Variants in ADORA1 observed in about 807,000 individuals in gnomAD.
ADORA1 encodes adenosine A1 receptor.
Under a neutral mutation model 19.9 loss-of-function variants are expected in ADORA1, and 6 were observed. The observed-to-expected ratio is 0.30, with a 90% CI of 0.17 to 0.59. ADORA1 has a LOEUF of 0.59. Ranked by LOEUF, ADORA1 falls within the 20% of genes least tolerant of loss-of-function variation. The probability of loss-of-function intolerance (pLI) is 0.87; values close to 1 mark genes in which losing one functional copy is unlikely to be tolerated. For synonymous variants in ADORA1, 194 were observed against 188.4 expected (o/e 1.03, Z -0.24); for missense variants, 302 against 439.2 (o/e 0.69, Z 2.79).
intron 3 of ADORA1, among the ~76,000 whole-genome samples, chr1:203,133,774 C>T (rs902537989): frequency 3.3e-5 from 5 of 152,240 alleles, no homozygotes; most frequent in South Asian, 2.1e-4. Context: ...GCTGCTGACC[C>T]GGGGAACCAC....
intron 3 of ADORA1, among the ~76,000 whole-genome samples, chr1:203,139,915 G>T (rs1002003741): frequency 6.6e-5 from 10 of 152,198 alleles, no homozygotes; most frequent in African/African-American, 2.2e-4. Flanking sequence ...AGGCCTTGTG[G>T]TTCATGGTCA....
intron 3 of ADORA1, among the ~76,000 whole-genome samples, chr1:203,137,749 A>G (rs1409162303): frequency 6.6e-6 from 1 of 152,188 alleles, no homozygotes; most frequent in Non-Finnish European, 1.5e-5. Flanking sequence ...GTATATACCT[A>G]TATACCACTA....
intron 3 of ADORA1, among the ~76,000 whole-genome samples, chr1:203,137,829 CA>C (rs533242377): frequency 6.4e-4 from 97 of 152,260 alleles, no homozygotes; most frequent in African/African-American, 2.0e-3. Context: ...CTCCAAAAGG[CA>C]ACCTCTATTT....
chr1:203,142,269 G>A (rs893901136), intron 3 of ADORA1, among the ~76,000 whole-genome samples: 2 of 152,140 alleles, frequency 1.3e-5, no homozygotes. Context: ...TGTGGGTTCC[G>A]GTCAGTGGCA....
intron 3 of ADORA1, among the ~76,000 whole-genome samples, chr1:203,147,198 ATCGTTGGTT>A (rs1027433524): frequency 6.6e-6 from 1 of 152,126 alleles, no homozygotes; most frequent in African/African-American, 2.4e-5. Context: ...ATTGGGTAGG[ATCGTTGGTT>A]TCGTTGGTTT....
rs377577290 is a variant in ADORA1 at position 203,128,588 on chromosome 1, C to G, written c.-58+156C>G. Among the ~76,000 whole-genome samples, 2 of 152,260 alleles carry G rather than the reference C, an allele frequency of 1.3e-5. No homozygotes were observed. The highest frequency in any genetic ancestry group is 2.1e-4 in the South Asian group (1 of 4,834). On this transcript the variant is annotated intron_variant, in intron 2 of 3. Coordinates refer to ENST00000337894, the MANE Select transcript of ADORA1 (RefSeq NM_000674.3). The surrounding 1 kb of genome is among the most constrained non-coding windows in gnomAD (Gnocchi z 5.9). ...GAGTGAGCGCTGCTATTTTAAGTTGCTGAATGGAACCTCTGGGAATGATAA... is the reference window on the plus strand; with the variant it reads ...GAGTGAGCGCTGCTATTTTAAGTTGGTGAATGGAACCTCTGGGAATGATAA...
chr1:203,150,405 G>A (rs886548783), intron 3 of ADORA1, among the ~76,000 whole-genome samples: 2 of 152,218 alleles, frequency 1.3e-5, no homozygotes, highest in African/African-American at 4.8e-5. Context: ...CCCGGATTGG[G>A]CCTGGCCTGT....
At chr1:203,137,698 G>A (rs1334467967) in intron 3 of ADORA1, among the ~76,000 whole-genome samples, 1 of 152,060 alleles carries the variant, frequency 6.6e-6, no homozygotes, top group Non-Finnish European at 1.5e-5. Context: ...CCAGTAAAGT[G>A]CATAAACCTC....
chr1:203,156,225 G>C (rs901861331), intron 3 of ADORA1, among the ~76,000 whole-genome samples: 2 of 152,116 alleles, frequency 1.3e-5, no homozygotes, highest in South Asian at 2.1e-4. Flanking sequence ...AGTTAGATAG[G>C]GGGGAAGAGA....
At chr1:203,141,312 G>A (rs1203233763) in intron 3 of ADORA1, among the ~76,000 whole-genome samples, 4 of 152,186 alleles carry the variant, frequency 2.6e-5, no homozygotes, top group East Asian at 3.9e-4. Flanking sequence ...TGGTGTGGGC[G>A]GTGAGAGCCA....
At chr1:203,150,832 T>C (rs968450613) in intron 3 of ADORA1, 11 of 1,283,958 alleles carry the variant, frequency 8.6e-6, no homozygotes, top group Middle Eastern at 2.3e-4. Context: ...GTCTGTTGAA[T>C]CTTTTCCAGG....
At chr1:203,162,657 A>G (rs980999458) in intron 3 of ADORA1, among the ~76,000 whole-genome samples, 1 of 152,180 alleles carries the variant, frequency 6.6e-6, no homozygotes, top group African/African-American at 2.4e-5. Context: ...AATCATCTGC[A>G]TCTCAACAAC....
chr1:203,161,725 C>T (rs12025716), intron 3 of ADORA1, among the ~76,000 whole-genome samples: 33,152 of 151,946 alleles, frequency 0.22, 4,953 homozygotes, highest in African/African-American at 0.42. Context: ...GCATGCACCA[C>T]CACGCCTGAC....
chr1:203,135,281 A>C (rs1654469391), intron 3 of ADORA1, among the ~76,000 whole-genome samples: 1 of 152,220 alleles, frequency 6.6e-6, no homozygotes, highest in Non-Finnish European at 1.5e-5. Context: ...ATCACTGGCT[A>C]CTTCAATTGT....
At chr1:203,142,711 C>T (rs1049249894) in intron 3 of ADORA1, among the ~76,000 whole-genome samples, 4 of 152,122 alleles carry the variant, frequency 2.6e-5, no homozygotes, top group Non-Finnish European at 5.9e-5. Flanking sequence ...AGAGTGTTGA[C>T]ATGACTCTGC....
intron 3 of ADORA1, among the ~76,000 whole-genome samples, chr1:203,130,212 G>C (rs1040859757): frequency 6.6e-6 from 1 of 152,240 alleles, no homozygotes; most frequent in Non-Finnish European, 1.5e-5. Flanking sequence ...TTGGCCCCTT[G>C]CCCGGGCAGG....
chr1:203,131,376 T>A (rs6683383), intron 3 of ADORA1, among the ~76,000 whole-genome samples: 39,166 of 152,182 alleles, frequency 0.26, 5,922 homozygotes, highest in South Asian at 0.39. Flanking sequence ...CAAGGCAGCA[T>A]CCACATCTTA....
At chr1:203,136,849 A>G (rs565538335) in intron 3 of ADORA1, among the ~76,000 whole-genome samples, 1 of 152,354 alleles carries the variant, frequency 6.6e-6, no homozygotes, top group East Asian at 1.9e-4. Context: ...AGACCTACTC[A>G]TTCATTAATT....
At position 203,166,487 on chromosome 1, in the gene ADORA1, G is replaced by C. The variant is rs546909804; in HGVS notation, c.*587G>C. ...CCACCTCTGAGGACTCTGGACCCCA[G>C]GCCATACCAGGTGCTAGGGTGCCTG... On this transcript the variant is annotated 3_prime_UTR_variant, in exon 4 of 4. Transcript: ENST00000337894. 1 of 152,588 alleles carries C rather than the reference G, an allele frequency of 6.6e-6. No homozygotes were observed. The highest frequency in any genetic ancestry group is 3.4e-3 in the Middle Eastern group (1 of 296). The allele number at this position is 152,588 out of a possible 1,614,324, so 9.5% of individuals were successfully genotyped here.
Sources: allele counts gnomAD v4.1 joint callset (sites outside exome capture counted in the v4.1 genomes callset), GRCh38; gene constraint gnomAD v4.1.1; non-coding constraint Gnocchi (gnomAD v3.1); transcripts MANE v1.5; gene names NCBI Gene and HGNC (gene_info 2026-07-23, HGNC 2026-07-21).